SGCZ: variants seen among roughly 807,000 people sequenced by gnomAD.
The protein encoded by SGCZ is sarcoglycan zeta, also known as zeta-sarcoglycan.
In SGCZ, 40 loss-of-function variants were observed where a neutral mutation model predicts 41.3. The observed-to-expected ratio is 0.97, with a 90% CI of 0.75 to 1.26. The LOEUF is 1.26. SGCZ is among the 50% of genes most tolerant of loss of function. SGCZ has a pLI of 0.00. For synonymous variants in SGCZ, 206 were observed against 137.5 expected, an observed-to-expected ratio of 1.50 and a Z score of -3.49; for missense variants, 552 against 369.8, an observed-to-expected ratio of 1.49 and a Z score of -4.04.
At chr8:14,528,373 C>A (rs117821261) in intron 2 of SGCZ, among the ~76,000 whole-genome samples, 1,833 of 152,174 alleles carry the variant, frequency 0.012, 19 homozygotes, top group Non-Finnish European at 0.019. Context: ...CAAGATTATA[C>A]TAAACAATAT....
At chr8:14,257,100 G>A (rs1207882746) in intron 3 of SGCZ, among the ~76,000 whole-genome samples, 2 of 152,032 alleles carry the variant, frequency 1.3e-5, no homozygotes, top group East Asian at 1.9e-4. Context: ...AGGCCAAAGT[G>A]GACAGATTGC....
intron 1 of SGCZ, among the ~76,000 whole-genome samples, chr8:14,768,724 T>C (rs1800125148): frequency 6.6e-6 from 1 of 151,998 alleles, no homozygotes; most frequent in Non-Finnish European, 1.5e-5. Flanking sequence ...TAATATGCTC[T>C]CACAGAACAC....
At chr8:14,958,989 A>G (rs1269793600) in intron 1 of SGCZ, among the ~76,000 whole-genome samples, 1 of 152,132 alleles carries the variant, frequency 6.6e-6, no homozygotes, top group Admixed American at 6.6e-5. Flanking sequence ...GTTTGAACAA[A>G]ATAAAACAAA....
chr8:14,669,633 T>C (rs1051774093), intron 1 of SGCZ, among the ~76,000 whole-genome samples: 2 of 151,984 alleles, frequency 1.3e-5, no homozygotes, highest in African/African-American at 4.8e-5. Context: ...TCCATACATG[T>C]TATCACAAAT....
At chr8:15,026,222 T>A (rs188124894) in intron 1 of SGCZ, among the ~76,000 whole-genome samples, 20 of 152,286 alleles carry the variant, frequency 1.3e-4, no homozygotes, top group African/African-American at 4.3e-4. Context: ...CTCAGACTGG[T>A]TAATTTTTCT....
At chr8:14,880,919 T>A (rs1347683849) in intron 1 of SGCZ, among the ~76,000 whole-genome samples, 1 of 151,748 alleles carries the variant, frequency 6.6e-6, no homozygotes, top group Non-Finnish European at 1.5e-5. Context: ...CAAACCTGCA[T>A]GTTGTGCACA....
At chr8:14,892,280 T>G (rs966675911) in intron 1 of SGCZ, among the ~76,000 whole-genome samples, 1 of 152,112 alleles carries the variant, frequency 6.6e-6, no homozygotes, top group African/African-American at 2.4e-5. Context: ...CTGCTGAGTG[T>G]AGGGGATATC....
At chr8:15,065,999 A>T (rs550667162) in intron 1 of SGCZ, among the ~76,000 whole-genome samples, 120 of 152,212 alleles carry the variant, frequency 7.9e-4, no homozygotes, top group Non-Finnish European at 1.5e-3. Flanking sequence ...TCTAGTATTC[A>T]TATTAATGGC....
At chr8:15,092,057 T>C (rs968517501) in intron 1 of SGCZ, among the ~76,000 whole-genome samples, 1 of 152,184 alleles carries the variant, frequency 6.6e-6, no homozygotes, top group Non-Finnish European at 1.5e-5. Flanking sequence ...CTGGCCACTC[T>C]AATTTTAAAG....
chr8:14,441,147 A>G (rs1800249321), intron 2 of SGCZ, among the ~76,000 whole-genome samples: 1 of 152,218 alleles, frequency 6.6e-6, no homozygotes, highest in Non-Finnish European at 1.5e-5. Flanking sequence ...TGCTCTTAGT[A>G]AAAAATTTAC....
intron 1 of SGCZ, among the ~76,000 whole-genome samples, chr8:14,773,017 T>G (rs988914196): frequency 1.3e-5 from 2 of 152,176 alleles, no homozygotes; most frequent in African/African-American, 4.8e-5. Flanking sequence ...ACTTCCACAA[T>G]GGTTGAACTA....
chr8:14,536,880 G>A (rs184694971), intron 2 of SGCZ, among the ~76,000 whole-genome samples: 1 of 151,932 alleles, frequency 6.6e-6, no homozygotes, highest in African/African-American at 2.4e-5. Context: ...GTGTTGAGCA[G>A]AGAAGTGACC....
At chr8:14,708,219 G>A (rs371152195) in intron 1 of SGCZ, among the ~76,000 whole-genome samples, 2 of 151,764 alleles carry the variant, frequency 1.3e-5, no homozygotes, top group East Asian at 3.9e-4. Context: ...ATAAACCCCA[G>A]AGTAGACTAT....
At chr8:15,111,531 A>G (rs377526059) in intron 1 of SGCZ, among the ~76,000 whole-genome samples, 2 of 152,144 alleles carry the variant, frequency 1.3e-5, no homozygotes, top group Admixed American at 6.5e-5. Context: ...ACACCTCAGA[A>G]AACTTTGTAA....
At chr8:15,046,115 T>G (rs181555514) in intron 1 of SGCZ, among the ~76,000 whole-genome samples, 7 of 152,208 alleles carry the variant, frequency 4.6e-5, no homozygotes, top group Admixed American at 2.6e-4. Flanking sequence ...CTGATTTCCA[T>G]TCTATAGTGA....
At chr8:14,309,007 G>T (rs1002178042) in intron 3 of SGCZ, 116 of 1,049,652 alleles carry the variant, frequency 1.1e-4, no homozygotes, top group Non-Finnish European at 1.5e-5. Flanking sequence ...CCCGGCCTCA[G>T]CCTCACTTTT....
chr8:14,747,705 T>TATGTG, intron 1 of SGCZ, among the ~76,000 whole-genome samples: 1 of 136,592 alleles, frequency 7.3e-6, no homozygotes, highest in Non-Finnish European at 1.5e-5. Flanking sequence ...GTGTGTGTAT[T>TATGTG]TGTGTGTGTG....
At chr8:14,854,021 TTATATATATA>T (rs10604213) in intron 1 of SGCZ, among the ~76,000 whole-genome samples, 5,736 of 107,652 alleles carry the variant, frequency 0.053, 357 homozygotes, top group African/African-American at 0.14. Context: ...TGTGATTATA[TTATATATATA>T]TATATATATA....
chr8:14,477,246 A>C (rs1400526057), intron 2 of SGCZ, among the ~76,000 whole-genome samples: 1 of 152,158 alleles, frequency 6.6e-6, no homozygotes, highest in Admixed American at 6.5e-5. Flanking sequence ...CGTTGTATTA[A>C]TAAGGAGAAG....
Sources: gnomAD v4.1 joint callset for allele counts (sites outside exome capture counted in the v4.1 genomes callset) on GRCh38, gnomAD v4.1.1 for gene constraint, MANE v1.5 for transcripts, NCBI Gene and HGNC (gene_info 2026-07-23, HGNC 2026-07-21) for gene names.